ZNF846: variants seen among roughly 807,000 people sequenced by gnomAD.
ZNF846 encodes the protein zinc finger protein 420 pseudogene.
A neutral mutation model predicts 16.0 loss-of-function variants in ZNF846; 15 were observed. The observed-to-expected ratio is 0.94, with a 90% confidence interval of 0.63 to 1.45. ZNF846 has a LOEUF of 1.45. Ranked by LOEUF, ZNF846 falls within the 40% of genes most tolerant of loss-of-function variation. The pLI, the probability that ZNF846 is intolerant of heterozygous loss-of-function variation, is 0.00. For synonymous variants in ZNF846, 229 were observed against 212.0 expected (o/e 1.08, Z -0.70); for missense variants, 714 against 622.3 (o/e 1.15, Z -1.57).
chr19:9,778,716 T>C (rs1160389881), intron 1 of ZNF846, among the ~76,000 whole-genome samples: 2 of 150,134 alleles, frequency 1.3e-5, no homozygotes, highest in African/African-American at 2.5e-5. Context: ...GACGGGAGAA[T>C]TGCTTGAACC....
chr19:9,760,069 C>T, intron 4 of ZNF846, 127 bp from the exon 5 acceptor site: 1 of 612,452 alleles, frequency 1.6e-6, no homozygotes, highest in South Asian at 1.9e-5. Flanking sequence ...AGATAGGTGG[C>T]TTACCTGAGG....
chr19:9,758,067 G>A (rs1472714328), exon 6 of ZNF846: 3 of 1,613,252 alleles, frequency 1.9e-6, no homozygotes, highest in Non-Finnish European at 1.7e-6. Context: ...ACATTCATAT[G>A]GCTTTTCTCC....
At chr19:9,750,420 C>T (rs2045074715), downstream of ZNF846, among the ~76,000 whole-genome samples, 1 of 152,152 alleles carries the variant, frequency 6.6e-6, no homozygotes, top group Non-Finnish European at 1.5e-5. Context: ...TGGCTGCTGC[C>T]TTTGCTGGAT....
upstream of ZNF846, among the ~76,000 whole-genome samples, chr19:9,769,479 C>T (rs981722382): frequency 2.0e-5 from 3 of 152,240 alleles, no homozygotes; most frequent in Non-Finnish European, 4.4e-5. Flanking sequence ...GATCCTTCCA[C>T]CTTGGCCTCC....
At position 9,762,183 on chromosome 19, in the gene ZNF846, G is replaced by A; in HGVS notation, c.143-15C>T. The A allele has an allele frequency of 6.2e-7, 1 of 1,609,308 alleles. No homozygotes were observed. The highest frequency in any genetic ancestry group is 8.5e-7 in the Non-Finnish European group (1 of 1,175,826). On this transcript the variant is annotated splice_polypyrimidine_tract_variant and intron_variant, in intron 3 of 5. Transcript: ENST00000397902. Reference sequence around the variant, plus strand: ...TTCAGACCCTGCTGGAGGGAAAAATGCACAAAAGAAGAGGCCCATGCAAGA... The same window carrying A: ...TTCAGACCCTGCTGGAGGGAAAAATACACAAAAGAAGAGGCCCATGCAAGA...
chr19:9,761,938 G>C lies in ZNF846; in HGVS notation c.229+144C>G, dbSNP rs1028358995. ...AATTTAAAGATGAGGGGAGTTGAAA[G>C]TATCTAAGGAAACCAAATGGCCTCA... On this transcript the variant is annotated intron_variant, in intron 4 of 5. Coordinates refer to ENST00000397902, the Ensembl canonical transcript of ZNF846. 5.0e-6 allele frequency: 3 copies of C among 600,886 alleles called. No homozygotes were observed. The African/African-American group carries it at 5.6e-5, about 11-fold the overall frequency. The allele number at this position is 600,886 out of a possible 1,614,324, so 37.2% of individuals were successfully genotyped here. A position where few individuals can be genotyped will look rare whatever the true frequency, so the allele number is the denominator to read the frequency against.
downstream of ZNF846, among the ~76,000 whole-genome samples, chr19:9,753,503 C>G (rs1230541414): frequency 1.3e-5 from 2 of 150,998 alleles, no homozygotes; most frequent in East Asian, 1.9e-4. Context: ...ATCCACCCAC[C>G]TTGGCCTCCC....
intron 1 of ZNF846, among the ~76,000 whole-genome samples, chr19:9,782,770 G>A (rs1030512682): frequency 2.0e-5 from 3 of 152,138 alleles, no homozygotes; most frequent in African/African-American, 4.8e-5. Flanking sequence ...AATGTTACTG[G>A]GATATAATTT....
chr19:9,778,891 A>C (rs1450329954), intron 1 of ZNF846, among the ~76,000 whole-genome samples: 1 of 150,538 alleles, frequency 6.6e-6, no homozygotes, highest in Non-Finnish European at 1.5e-5. Flanking sequence ...CCATCCTCCC[A>C]ACTCAGCCTC....
In ZNF846 at chr19:9,762,175, G is replaced by A. The variant is rs776132841; in HGVS notation, c.143-7C>T. 3 of 1,612,682 alleles carry A rather than the reference G, an allele frequency of 1.9e-6. 1 individual carries two copies. In the South Asian group the frequency reaches 3.3e-5, roughly 18 times the overall value. On this transcript the variant is annotated splice_region_variant and splice_polypyrimidine_tract_variant and intron_variant, in intron 3 of 5. Coordinates refer to ENST00000397902, the Ensembl canonical transcript of ZNF846. ...TTGAATAATTCAGACCCTGCTGGAG[G>A]GAAAAATGCACAAAAGAAGAGGCCC...
intron 1 of ZNF846, among the ~76,000 whole-genome samples, chr19:9,784,736 C>A (rs961654852): frequency 6.6e-6 from 1 of 152,112 alleles, no homozygotes; most frequent in African/African-American, 2.4e-5. Context: ...GAGGTGCCTG[C>A]GGCCTTCCAC....
chr19:9,778,970 A>G (rs143830818), intron 1 of ZNF846, among the ~76,000 whole-genome samples: 4 of 152,230 alleles, frequency 2.6e-5, no homozygotes, highest in African/African-American at 7.2e-5. Context: ...ATGCTAGTAT[A>G]TAAGAAAACT....
At chr19:9,751,247 T>C (rs920644488), downstream of ZNF846, among the ~76,000 whole-genome samples, 3 of 152,058 alleles carry the variant, frequency 2.0e-5, no homozygotes, top group Admixed American at 2.0e-4. Flanking sequence ...AAAATCTTAC[T>C]TCAGTCTAAT....
At chr19:9,758,563 A>T in exon 6 of ZNF846, 2 of 1,612,738 alleles carry the variant, frequency 1.2e-6, no homozygotes, top group Non-Finnish European at 1.7e-6. Flanking sequence ...TGTTTAACAC[A>T]CTTAGGCATT....
At chr19:9,775,097 A>G (rs747988732) in intron 1 of ZNF846, 61 of 755,682 alleles carry the variant, frequency 8.1e-5, no homozygotes, top group Non-Finnish European at 9.7e-5. Context: ...CTAACTTTCT[A>G]CAGTTTTCTT....
chr19:9,778,622 T>A (rs774248749), intron 1 of ZNF846, among the ~76,000 whole-genome samples: 1 of 152,024 alleles, frequency 6.6e-6, no homozygotes, highest in Non-Finnish European at 1.5e-5. Context: ...CTGGCTAACA[T>A]GGTGAAACCC....
downstream of ZNF846, among the ~76,000 whole-genome samples, chr19:9,750,821 T>C (rs1432512575): frequency 6.6e-6 from 1 of 152,220 alleles, no homozygotes; most frequent in Non-Finnish European, 1.5e-5. Context: ...AATCTTTATC[T>C]GTCCTCCAAG....
At chr19:9,776,123 T>C (rs1293734322) in intron 1 of ZNF846, among the ~76,000 whole-genome samples, 1 of 152,178 alleles carries the variant, frequency 6.6e-6, no homozygotes, top group Non-Finnish European at 1.5e-5. Context: ...CATTGCCAGG[T>C]GGACCATGGT....
At chr19:9,758,375 G>T in exon 6 of ZNF846, 1 of 1,613,106 alleles carries the variant, frequency 6.2e-7, no homozygotes, top group Non-Finnish European at 8.5e-7. Flanking sequence ...AATTACTGAA[G>T]GCTTTCCCAC....
Sources: allele counts gnomAD v4.1 joint callset (sites outside exome capture counted in the v4.1 genomes callset), GRCh38; gene constraint gnomAD v4.1.1; transcripts MANE v1.5; gene names NCBI Gene and HGNC (gene_info 2026-07-23, HGNC 2026-07-21).